OR1J2: variants seen among roughly 807,000 people sequenced by gnomAD.
OR1J2 encodes olfactory receptor 1J2.
For synonymous variants in OR1J2, 142 were observed against 99.7 expected (o/e 1.42, Z -2.52); for missense variants, 304 against 246.1 (o/e 1.24, Z -1.57).
chr9:122,519,159 A>G, the OR1J2 span: 2 of 1,606,486 alleles, frequency 1.2e-6, no homozygotes, highest in Non-Finnish European at 1.7e-6. Flanking sequence ...GGAGAATCAG[A>G]GCAGTGTGTC....
At chr9:122,534,954 A>G in the OR1J2 span, among the ~76,000 whole-genome samples, 2 of 152,186 alleles carry the variant, frequency 1.3e-5, no homozygotes, top group African/African-American at 4.8e-5. Context: ...TATTGGGGTC[A>G]AGCGGCATTG....
At chr9:122,530,469 T>C in the OR1J2 span, among the ~76,000 whole-genome samples, 2 of 152,218 alleles carry the variant, frequency 1.3e-5, no homozygotes, top group Non-Finnish European at 2.9e-5. Context: ...GCCCTGTTAG[T>C]GTTAACTCTC....
chr9:122,451,195 A>C, the OR1J2 span, among the ~76,000 whole-genome samples: 1 of 140,136 alleles, frequency 7.1e-6, no homozygotes, highest in East Asian at 2.0e-4. Context: ...TATTATTATT[A>C]TTATTTTGAG....
chr9:122,528,802 G>A, the OR1J2 span, among the ~76,000 whole-genome samples: 1 of 152,148 alleles, frequency 6.6e-6, no homozygotes, highest in African/African-American at 2.4e-5. Flanking sequence ...AAGTTCAAAA[G>A]ACCAAAGTGA....
chr9:122,481,936 C>A, the OR1J2 span, among the ~76,000 whole-genome samples: 11 of 152,054 alleles, frequency 7.2e-5, no homozygotes, highest in Non-Finnish European at 1.5e-4. Context: ...GGAAATGCTT[C>A]ATGACATTAA....
At chr9:122,521,904 T>A in the OR1J2 span, among the ~76,000 whole-genome samples, 1,716 of 152,330 alleles carry the variant, frequency 0.011, 18 homozygotes, top group African/African-American at 0.039. Flanking sequence ...CTTCTCTGAA[T>A]GACTTTTCCT....
the OR1J2 span, among the ~76,000 whole-genome samples, chr9:122,571,624 A>C: frequency 1.3e-5 from 2 of 150,826 alleles, no homozygotes; most frequent in African/African-American, 2.4e-5. Context: ...GCTGAGGCAG[A>C]AGAATCGCTT....
At chr9:122,547,206 T>C in the OR1J2 span, among the ~76,000 whole-genome samples, 1 of 152,116 alleles carries the variant, frequency 6.6e-6, no homozygotes, top group East Asian at 1.9e-4. Flanking sequence ...TTTGTTTTAT[T>C]GTCTTTGATA....
At chr9:122,493,547 A>G in the OR1J2 span, among the ~76,000 whole-genome samples, 1 of 152,096 alleles carries the variant, frequency 6.6e-6, no homozygotes, top group African/African-American at 2.4e-5. Context: ...CAGTGGTAAT[A>G]GCTCCCATTT....
chr9:122,567,701 G>C, the OR1J2 span: 2 of 1,614,156 alleles, frequency 1.2e-6, no homozygotes, highest in Non-Finnish European at 1.7e-6. Context: ...GCTGTAAATA[G>C]ACACAGAAGA....
rs1564183827 is a variant in OR1J2 at position 122,511,604 on chromosome 9, T to C, written c.803T>C (p.Ile268Thr). ...CTTTTCCCGACTGTAAGCAGTTCTA[T>C]TGACAAGGATGTCATTGTGGCTCTC... The part of the protein sequence containing the change: ...QYLFPTVSSS[I>T]DKDVIVALMY... Residue 268 changes from isoleucine to threonine, a missense_variant, in exon 1 of 1, where the codon ATT (isoleucine) becomes ACT (threonine). Physicochemically the swap from Ile to Thr is moderately conservative, Grantham distance 89. Transcript: ENST00000335302. 1.2e-5 allele frequency: 9 copies of C among 781,100 alleles called. No homozygotes were observed. Among genetic ancestry groups the C allele is most frequent in the Non-Finnish European group, 1.9e-5 (8 of 418,134 alleles). 48.4% of individuals were successfully genotyped at this position (781,100 alleles called of 1,614,324 possible).
At chr9:122,573,097 C>T in the OR1J2 span, among the ~76,000 whole-genome samples, 29 of 152,318 alleles carry the variant, frequency 1.9e-4, no homozygotes, top group East Asian at 2.9e-3. Context: ...ATTGTGGAAG[C>T]CCAGTGAGCT....
At chr9:122,451,152 C>CATTATTATTATT in the OR1J2 span, among the ~76,000 whole-genome samples, 9 of 137,574 alleles carry the variant, frequency 6.5e-5, no homozygotes, top group South Asian at 2.4e-4. Flanking sequence ...CTATCACCTG[C>CATTATTATTATT]ATTATTATTA....
the OR1J2 span, among the ~76,000 whole-genome samples, chr9:122,505,789 G>A: frequency 6.6e-6 from 1 of 151,586 alleles, no homozygotes; most frequent in African/African-American, 2.4e-5. Flanking sequence ...ATTTTTTCTA[G>A]ATTTTGCGTG....
chr9:122,509,740 A>G (rs878874124), upstream of OR1J2, among the ~76,000 whole-genome samples: 1 of 152,210 alleles, frequency 6.6e-6, no homozygotes, highest in Non-Finnish European at 1.5e-5. Flanking sequence ...CCTTTAAGCC[A>G]TATTAAGGTT....
the OR1J2 span, among the ~76,000 whole-genome samples, chr9:122,496,305 C>T: frequency 6.6e-6 from 1 of 152,072 alleles, no homozygotes; most frequent in African/African-American, 2.4e-5. Context: ...GAGATTATGA[C>T]CTTTGTCTTC....
At chr9:122,531,882 C>A in the OR1J2 span, among the ~76,000 whole-genome samples, 10 of 152,148 alleles carry the variant, frequency 6.6e-5, no homozygotes, top group Non-Finnish European at 1.5e-4. Flanking sequence ...GTGGGAAAGG[C>A]CTCTACCTAT....
chr9:122,578,146 G>C, the OR1J2 span, among the ~76,000 whole-genome samples: 1 of 152,122 alleles, frequency 6.6e-6, no homozygotes, highest in Non-Finnish European at 1.5e-5. Context: ...TATCCACTCA[G>C]AGGAAAAGAA....
chr9:122,571,043 A>G, the OR1J2 span, among the ~76,000 whole-genome samples: 1,386 of 152,338 alleles, frequency 9.1e-3, 15 homozygotes, highest in Non-Finnish European at 0.016. Context: ...ATATCTTACA[A>G]TCGTGCATTG....
Sources: gnomAD v4.1 joint callset for allele counts (sites outside exome capture counted in the v4.1 genomes callset) on GRCh38, gnomAD v4.1.1 for gene constraint, MANE v1.5 for transcripts, NCBI Gene and HGNC (gene_info 2026-07-23, HGNC 2026-07-21) for gene names.